HP1BP3: variants seen among roughly 807,000 people sequenced by gnomAD.
HP1BP3 encodes the protein heterochromatin protein 1 binding protein 3.
HP1BP3 carries 12 observed loss-of-function variants against 62.5 expected under a neutral mutation model. The ratio of observed to expected loss-of-function variants is 0.19; its 90% CI spans 0.12 to 0.31. HP1BP3 has a LOEUF of 0.31. HP1BP3 is among the 10% of genes least tolerant of loss of function. HP1BP3 has a pLI of 1.00. For missense variants in HP1BP3, 502 were observed against 651.8 expected (o/e 0.77, Z 2.50); for synonymous variants, 260 against 237.8 (o/e 1.09, Z -0.86).
intron 1 of HP1BP3, among the ~76,000 whole-genome samples, chr1:20,783,111 C>CGAT (rs1557678852): frequency 2.0e-5 from 3 of 149,946 alleles, no homozygotes; most frequent in Non-Finnish European, 4.4e-5. Context: ...GACCTTGGCT[C>CGAT]AATAATAATA....
intron 10 of HP1BP3, among the ~76,000 whole-genome samples, chr1:20,748,071 C>T (rs1391384242): frequency 3.3e-5 from 5 of 149,564 alleles, no homozygotes; most frequent in Non-Finnish European, 7.4e-5. Flanking sequence ...CCTTATTTCA[C>T]AGGGAAAAAA....
chr1:20,756,107 G>C (rs917633584), intron 9 of HP1BP3, among the ~76,000 whole-genome samples: 1 of 152,080 alleles, frequency 6.6e-6, no homozygotes, highest in East Asian at 1.9e-4. Context: ...AAATCACTGA[G>C]TTATAAACTG....
chr1:20,765,363 C>T lies in HP1BP3; in HGVS notation c.890+14G>A. 6.4e-7 allele frequency: 1 copy of T among 1,563,914 alleles called. No homozygotes were observed. Among genetic ancestry groups the T allele is most frequent in the East Asian group, 2.3e-5 (1 of 42,626 alleles). On this transcript the variant is annotated intron_variant, in intron 8 of 12. Transcript: ENST00000438032. ...AACACATCATGTTTTAAAGGCCAGG[C>T]CAATGGCTCATACCTGATGTCCACT...
Position 20,757,590 on chromosome 1 carries a change from C to T in HP1BP3, c.891-334G>A, listed in dbSNP as rs550755953. Among the ~76,000 whole-genome samples, 12 of 151,954 alleles carry T rather than the reference C, an allele frequency of 7.9e-5. No homozygotes were observed. The South Asian group carries it at 2.5e-3, about 32-fold the overall frequency. ...TTCTCCATATTGGTCAGGCTGGTCT[C>T]GAACTCCCGACCTCAGGTGATCTGC... On this transcript the variant is annotated intron_variant, in intron 8 of 12. Transcript: ENST00000438032.
chr1:20,752,941 G>A (rs1434632348), intron 9 of HP1BP3, among the ~76,000 whole-genome samples: 1 of 139,714 alleles, frequency 7.2e-6, no homozygotes, highest in Non-Finnish European at 1.6e-5. Context: ...ATTTTTCTTG[G>A]AACACGTTTT....
intron 1 of HP1BP3, among the ~76,000 whole-genome samples, chr1:20,783,818 T>C (rs1156350683): frequency 1.3e-5 from 2 of 149,990 alleles, no homozygotes; most frequent in Non-Finnish European, 3.0e-5. Context: ...CAGCTCTGCA[T>C]TTCCTTAATA....
rs1363086845 is a variant in HP1BP3 at position 20,744,236 on chromosome 1, G to A, written c.*561C>T. On this transcript the variant is annotated 3_prime_UTR_variant, in exon 13 of 13. Coordinates refer to ENST00000438032, the MANE Select transcript of HP1BP3 (RefSeq NM_001372052.1). Reference sequence around the variant, plus strand: ...CTTCAAAATCTAATGAGATCACCCTGTTTTTGGCTTATTCCCAAAGCTGTC... The same window carrying A: ...CTTCAAAATCTAATGAGATCACCCTATTTTTGGCTTATTCCCAAAGCTGTC... 2 of 152,754 alleles carry A rather than the reference G, an allele frequency of 1.3e-5. No homozygotes were observed. Among genetic ancestry groups the A allele is most frequent in the African/African-American group, 2.4e-5 (1 of 41,426 alleles). The allele number at this position is 152,754 out of a possible 1,614,324, so 9.5% of individuals were successfully genotyped here. A position where few individuals can be genotyped will look rare whatever the true frequency, so the allele number is the denominator to read the frequency against.
At chr1:20,760,961 T>A (rs952136964) in intron 8 of HP1BP3, among the ~76,000 whole-genome samples, 1 of 152,238 alleles carries the variant, frequency 6.6e-6, no homozygotes, top group African/African-American at 2.4e-5. Context: ...AAGTTATTGC[T>A]CTAATACAGG....
At chr1:20,776,517 A>G (rs991274764) in intron 4 of HP1BP3, 80 bp downstream of exon 4, 18 of 1,274,038 alleles carry the variant, frequency 1.4e-5, no homozygotes, top group African/African-American at 4.5e-5. Context: ...AACCAATGTT[A>G]TAACACTTTA....
rs537605427 is a variant in HP1BP3, at chr1:20,747,469, G to A, written c.1253+75C>T. The stretch of plus-strand genomic sequence containing the variant: ...TTCCAGTTCACTAAAACAGTAATAA[G>A]GGTAAAATAAATTAAACTGAGTGTG... On this transcript the variant is annotated intron_variant, in intron 11 of 12. Coordinates refer to ENST00000438032, the MANE Select transcript of HP1BP3 (RefSeq NM_001372052.1). 5.9e-5 allele frequency: 55 copies of A among 934,108 alleles called. No homozygotes were observed. The African/African-American group carries it at 8.2e-4, about 14-fold the overall frequency. The allele number at this position is 934,108 out of a possible 1,614,324, so 57.9% of individuals were successfully genotyped here. A position where few individuals can be genotyped will look rare whatever the true frequency, so the allele number is the denominator to read the frequency against.
intron 11 of HP1BP3, among the ~76,000 whole-genome samples, chr1:20,746,543 G>C (rs1032912519): frequency 3.3e-5 from 5 of 152,136 alleles, no homozygotes; most frequent in African/African-American, 1.2e-4. Context: ...TACTTTACTG[G>C]AAATCAAAAG....
intron 3 of HP1BP3, among the ~76,000 whole-genome samples, 158 bp from the exon 4 acceptor site, chr1:20,776,908 A>T (rs2057329124): frequency 6.6e-6 from 1 of 152,246 alleles, no homozygotes; most frequent in Admixed American, 6.5e-5. Flanking sequence ...GTTTTCTTAC[A>T]TTCTTTATGT....
At chr1:20,766,030 G>A (rs1190041754) in intron 7 of HP1BP3, among the ~76,000 whole-genome samples, 5 of 149,416 alleles carry the variant, frequency 3.3e-5, no homozygotes, top group African/African-American at 7.4e-5. Context: ...GGTGGCTCAC[G>A]TCTGTAATCC....
In HP1BP3 at chr1:20,751,687, T is replaced by C. The variant is rs182652879; in HGVS notation, c.982-1805A>G. 4.7e-4 allele frequency among the ~76,000 whole-genome samples: 71 copies of C among 151,402 alleles called. 1 individual carries two copies. The East Asian group carries it at 0.012, about 27-fold the overall frequency. ...TTAGTGAGCTATGATTACATCACTATACTCCAGCCTGAGTGACAGACCAAG... is the reference window on the plus strand; with the variant it reads ...TTAGTGAGCTATGATTACATCACTACACTCCAGCCTGAGTGACAGACCAAG... On this transcript the variant is annotated intron_variant, in intron 9 of 12. Transcript: ENST00000438032.
At chr1:20,767,280 C>G (rs1280777258) in intron 7 of HP1BP3, among the ~76,000 whole-genome samples, 1 of 152,170 alleles carries the variant, frequency 6.6e-6, no homozygotes, top group Non-Finnish European at 1.5e-5. Flanking sequence ...CATGTCACTG[C>G]ACTACAGCAT....
intron 11 of HP1BP3, among the ~76,000 whole-genome samples, chr1:20,746,927 G>T (rs1246171870): frequency 6.6e-6 from 1 of 152,096 alleles, no homozygotes; most frequent in East Asian, 1.9e-4. Flanking sequence ...GAGGTGGGAG[G>T]ATCACTTGAG....
At chr1:20,781,100 T>C (rs2057524628) in intron 1 of HP1BP3, among the ~76,000 whole-genome samples, 1 of 152,156 alleles carries the variant, frequency 6.6e-6, no homozygotes, top group Admixed American at 6.5e-5. Context: ...AGTATGCTTC[T>C]AAGACTGTCA....
chr1:20,756,238 G>A (rs1267465212), intron 9 of HP1BP3, among the ~76,000 whole-genome samples: 1 of 152,114 alleles, frequency 6.6e-6, no homozygotes, highest in Non-Finnish European at 1.5e-5. Flanking sequence ...CTATCTCAAA[G>A]TTATCTTAAA....
intron 3 of HP1BP3, 32 bp downstream of exon 3, chr1:20,779,780 A>G (rs1299883609): frequency 1.4e-6 from 2 of 1,384,626 alleles, no homozygotes; most frequent in African/African-American, 2.9e-5. Flanking sequence ...ATAACTTTTG[A>G]TGTTTTAAGC....
Sources: gnomAD v4.1 joint callset for allele counts (sites outside exome capture counted in the v4.1 genomes callset) on GRCh38, gnomAD v4.1.1 for gene constraint, MANE v1.5 for transcripts, NCBI Gene and HGNC (gene_info 2026-07-23, HGNC 2026-07-21) for gene names.